Variants in RIMS1 observed in about 807,000 individuals in gnomAD.
RIMS1 encodes regulating synaptic membrane exocytosis protein 1.
RIMS1 carries 83 observed loss-of-function variants against 214.1 expected under a neutral mutation model. The ratio of observed to expected loss-of-function variants is 0.39; its 90% confidence interval spans 0.32 to 0.47. RIMS1 has a LOEUF of 0.47. Among genes scored for constraint, RIMS1 ranks in the 20% least tolerant of loss-of-function variants. RIMS1 has a pLI of 0.99. For missense variants in RIMS1, 2,050 were observed against 2,161.8 expected (o/e 0.95, Z 1.03); for synonymous variants, 793 against 786.8 (o/e 1.01, Z -0.13).
intron 2 of RIMS1, among the ~76,000 whole-genome samples, chr6:71,974,886 T>C (rs138662846): frequency 6.1e-4 from 93 of 152,246 alleles, no homozygotes; most frequent in Non-Finnish European, 1.1e-3. Flanking sequence ...AATTACCTTA[T>C]AACATAAACC....
intron 29 of RIMS1, among the ~76,000 whole-genome samples, chr6:72,368,632 A>T (rs371578789): frequency 6.6e-6 from 1 of 152,118 alleles, no homozygotes; most frequent in Non-Finnish European, 1.5e-5. Flanking sequence ...AGCTCACTCA[A>T]TGAAGATGCG....
intron 1 of RIMS1, among the ~76,000 whole-genome samples, chr6:71,900,714 T>A (rs1055984415): frequency 4.6e-5 from 7 of 152,076 alleles, no homozygotes; most frequent in Admixed American, 4.6e-4. Context: ...GGAAGAGAGA[T>A]CCCAAATTTA....
chr6:72,178,270 A>T (rs917163838), intron 4 of RIMS1, among the ~76,000 whole-genome samples: 5 of 150,520 alleles, frequency 3.3e-5, no homozygotes, highest in Admixed American at 3.3e-4. Flanking sequence ...TTTTCCTTTT[A>T]AAAAAGTGTA....
At chr6:72,010,036 A>T (rs1028813979) in intron 2 of RIMS1, among the ~76,000 whole-genome samples, 1 of 152,230 alleles carries the variant, frequency 6.6e-6, no homozygotes, top group Non-Finnish European at 1.5e-5. Context: ...AAAAAAGAGA[A>T]TTTTAGACCA....
At chr6:72,049,544 A>G (rs1824030978) in intron 2 of RIMS1, among the ~76,000 whole-genome samples, 2 of 152,344 alleles carry the variant, frequency 1.3e-5, no homozygotes, top group East Asian at 3.9e-4. Flanking sequence ...TAACTTAAGC[A>G]ACAGAGAAAG....
intron 8 of RIMS1, among the ~76,000 whole-genome samples, chr6:72,237,223 G>A (rs1462010287): frequency 2.1e-5 from 3 of 145,138 alleles, no homozygotes; most frequent in Non-Finnish European, 4.5e-5. Context: ...GAAAGAGAGA[G>A]AGAGAGAAAA....
At chr6:72,142,048 A>G (rs2042138415) in intron 4 of RIMS1, among the ~76,000 whole-genome samples, 1 of 151,996 alleles carries the variant, frequency 6.6e-6, no homozygotes, top group African/African-American at 2.4e-5. Context: ...CTTAGTTGCT[A>G]GTGGGTCTTT....
At chr6:72,249,247 AT>A (rs1387782532) in intron 12 of RIMS1, among the ~76,000 whole-genome samples, 1 of 152,262 alleles carries the variant, frequency 6.6e-6, no homozygotes, top group Non-Finnish European at 1.5e-5. Flanking sequence ...TAAAGTTAAC[AT>A]TGTTAAAGTG....
intron 2 of RIMS1, among the ~76,000 whole-genome samples, chr6:72,034,653 T>C (rs779819956): frequency 6.6e-6 from 1 of 152,002 alleles, no homozygotes; most frequent in Non-Finnish European, 1.5e-5. Flanking sequence ...AATAGAGTTC[T>C]AGGAATCTGG....
Position 72,270,958 on chromosome 6 carries a change from G to A in RIMS1, c.3399-3391G>A, listed in dbSNP as rs571193873. Among the ~76,000 whole-genome samples, 9 of 152,230 alleles carry A rather than the reference G, an allele frequency of 5.9e-5. No homozygotes were observed. The South Asian group carries it at 6.2e-4, about 11-fold the overall frequency. ...ATAGTTATATATCAAATTGAAATAT[G>A]TATCATAGATCTTGTTTCAAAGTAG... On this transcript the variant is annotated intron_variant, in intron 22 of 33. Coordinates refer to ENST00000521978, the MANE Select transcript of RIMS1 (RefSeq NM_014989.7).
At chr6:72,224,654 A>G (rs1268925473) in intron 6 of RIMS1, among the ~76,000 whole-genome samples, 1 of 152,230 alleles carries the variant, frequency 6.6e-6, no homozygotes, top group East Asian at 1.9e-4. Flanking sequence ...TCAATAAGTT[A>G]GTCTTTGACC....
intron 29 of RIMS1, among the ~76,000 whole-genome samples, chr6:72,362,892 A>G (rs2097871506): frequency 6.6e-6 from 1 of 152,200 alleles, no homozygotes; most frequent in South Asian, 2.1e-4. Flanking sequence ...GTTCATTCAA[A>G]ATATATTTAT....
chr6:72,089,792 G>A (rs1041629424), intron 2 of RIMS1, among the ~76,000 whole-genome samples: 1 of 118,794 alleles, frequency 8.4e-6, no homozygotes, highest in Non-Finnish European at 2.0e-5. Context: ...ATGATAGACT[G>A]GATTAAGAAA....
chr6:72,210,906 G>C (rs1316097224), intron 6 of RIMS1, among the ~76,000 whole-genome samples: 1 of 152,162 alleles, frequency 6.6e-6, no homozygotes, highest in African/African-American at 2.4e-5. Flanking sequence ...ATGCATGCAT[G>C]CAGGGATCAG....
chr6:72,052,086 T>A (rs1824864092), intron 2 of RIMS1, among the ~76,000 whole-genome samples: 1 of 152,230 alleles, frequency 6.6e-6, no homozygotes, highest in Admixed American at 6.5e-5. Context: ...AAGATAGTGG[T>A]GTACATAGTT....
At chr6:71,914,097 T>G (rs566002397) in intron 1 of RIMS1, among the ~76,000 whole-genome samples, 1 of 152,310 alleles carries the variant, frequency 6.6e-6, no homozygotes, top group East Asian at 1.9e-4. Context: ...TTTTCCTGTT[T>G]CAGGATGAAT....
chr6:72,340,814 G>A (rs1288793872), intron 29 of RIMS1, among the ~76,000 whole-genome samples: 2 of 152,008 alleles, frequency 1.3e-5, no homozygotes, highest in African/African-American at 4.8e-5. Context: ...TTCCAATTCT[G>A]TGAAGAAAGT....
intron 4 of RIMS1, among the ~76,000 whole-genome samples, chr6:72,175,904 G>A (rs1422667270): frequency 6.6e-6 from 1 of 151,942 alleles, no homozygotes; most frequent in African/African-American, 2.4e-5. Context: ...TTATTTCTCT[G>A]GGTAAAAAAT....
chr6:72,004,005 G>A (rs1406375063), intron 2 of RIMS1, among the ~76,000 whole-genome samples: 1 of 136,636 alleles, frequency 7.3e-6, no homozygotes, highest in East Asian at 2.3e-4. Flanking sequence ...ATCTCCTAAT[G>A]CTATCCCTCC....
Sources: allele counts gnomAD v4.1 joint callset (sites outside exome capture counted in the v4.1 genomes callset), GRCh38; gene constraint gnomAD v4.1.1; transcripts MANE v1.5; gene names NCBI Gene and HGNC (gene_info 2026-07-23, HGNC 2026-07-21).